CTNNBL1: variants seen among roughly 807,000 people sequenced by gnomAD.
CTNNBL1 encodes catenin beta like 1.
CTNNBL1 carries 31 observed loss-of-function variants against 72.7 expected under a neutral mutation model. That is an observed-to-expected ratio of 0.43 (90% CI 0.32 to 0.58). The LOEUF is 0.58. Among genes scored for constraint, CTNNBL1 ranks in the 20% least tolerant of loss-of-function variants. The pLI is 0.08. For missense variants in CTNNBL1, 534 were observed against 725.1 expected, an observed-to-expected ratio of 0.74 and a Z score of 3.03; for synonymous variants, 240 against 267.3, an observed-to-expected ratio of 0.90 and a Z score of 1.00.
At chr20:37,759,044 C>G (rs973640611) in intron 5 of CTNNBL1, among the ~76,000 whole-genome samples, 6 of 152,188 alleles carry the variant, frequency 3.9e-5, no homozygotes, top group Non-Finnish European at 5.9e-5. Flanking sequence ...AGAACTGGCT[C>G]TTACAGAGAG....
chr20:37,866,436 C>T (rs1444285013), intron 15 of CTNNBL1, among the ~76,000 whole-genome samples: 2 of 152,202 alleles, frequency 1.3e-5, no homozygotes, highest in Non-Finnish European at 2.9e-5. Flanking sequence ...GGCAGCTCTT[C>T]CCCTCTCCAA....
At chr20:37,794,152 T>A (rs1051683708) in intron 10 of CTNNBL1, among the ~76,000 whole-genome samples, 17 of 152,210 alleles carry the variant, frequency 1.1e-4, no homozygotes, top group Non-Finnish European at 2.4e-4. Flanking sequence ...ACCCACTTAT[T>A]TGCCATTTTC....
At chr20:37,725,397 A>G (rs1239114114) in intron 1 of CTNNBL1, among the ~76,000 whole-genome samples, 2 of 151,294 alleles carry the variant, frequency 1.3e-5, no homozygotes, top group Non-Finnish European at 2.9e-5. Context: ...CCCCAGTTCT[A>G]GCAACTCTCC....
intron 3 of CTNNBL1, among the ~76,000 whole-genome samples, chr20:37,741,944 G>A (rs1293222251): frequency 6.6e-6 from 1 of 151,936 alleles, no homozygotes; most frequent in Admixed American, 6.6e-5. Context: ...AAAGTTGGAA[G>A]GAACTGAGAA....
chr20:37,866,509 G>A (rs1030141383), intron 15 of CTNNBL1, among the ~76,000 whole-genome samples: 5 of 152,194 alleles, frequency 3.3e-5, no homozygotes, highest in Non-Finnish European at 7.3e-5. Flanking sequence ...GTGAGAATGA[G>A]GTGAAGTGCT....
intron 11 of CTNNBL1, among the ~76,000 whole-genome samples, chr20:37,828,235 A>G (rs186453624): frequency 2.0e-5 from 3 of 152,312 alleles, no homozygotes; most frequent in East Asian, 3.9e-4. Context: ...TTCCTGTAAC[A>G]GGATAGTTTC....
intron 13 of CTNNBL1, among the ~76,000 whole-genome samples, chr20:37,852,561 C>T (rs2235462): frequency 0.38 from 58,425 of 151,938 alleles, 11,531 homozygotes; most frequent in Admixed American, 0.5. Flanking sequence ...ATCCACATAC[C>T]CATACGCAGG....
chr20:37,866,404 C>G (rs907813465), intron 15 of CTNNBL1, among the ~76,000 whole-genome samples: 2 of 152,176 alleles, frequency 1.3e-5, no homozygotes, highest in Non-Finnish European at 2.9e-5. Flanking sequence ...CAAGCTCTGT[C>G]GCTTTCTAGT....
intron 2 of CTNNBL1, 64 bp from the exon 3 acceptor site, chr20:37,737,314 A>G (rs1481910776): frequency 3.6e-6 from 4 of 1,103,254 alleles, no homozygotes; most frequent in Non-Finnish European, 4.1e-6. Context: ...GCCACAGGAA[A>G]GTAGTGACAA....
Position 37,779,169 on chromosome 20 carries a change from G to C in CTNNBL1, c.883-18G>C. On this transcript the variant is annotated intron_variant, in intron 9 of 15. Transcript: ENST00000361383. ...ATTCTCTTATAGCTCTGTGCTTTGT[G>C]CTGTTTTTGCTTGACAGGTGTTTAA... is the stretch of plus-strand genomic sequence containing the variant. 6.2e-7 allele frequency: 1 copy of C among 1,611,348 alleles called. No homozygotes were observed. The highest frequency in any genetic ancestry group is 1.1e-5 in the South Asian group (1 of 91,038).
intron 10 of CTNNBL1, among the ~76,000 whole-genome samples, chr20:37,789,900 C>T (rs1453762611): frequency 6.6e-6 from 1 of 152,146 alleles, no homozygotes; most frequent in Non-Finnish European, 1.5e-5. Flanking sequence ...AGAGAAGAGA[C>T]CACTGTGATC....
intron 15 of CTNNBL1, among the ~76,000 whole-genome samples, chr20:37,863,915 T>C (rs2072514213): frequency 6.6e-6 from 1 of 151,976 alleles, no homozygotes; most frequent in African/African-American, 2.4e-5. Flanking sequence ...TCATAAAGAG[T>C]TCTCAGCCCT....
At chr20:37,730,866 A>G (rs939811385) in intron 1 of CTNNBL1, among the ~76,000 whole-genome samples, 1 of 152,210 alleles carries the variant, frequency 6.6e-6, no homozygotes, top group Non-Finnish European at 1.5e-5. Context: ...TATGGTAGAA[A>G]GGTCCTTGGA....
chr20:37,697,311 T>G (rs1006533672), intron 1 of CTNNBL1, among the ~76,000 whole-genome samples: 3 of 152,154 alleles, frequency 2.0e-5, no homozygotes, highest in Non-Finnish European at 4.4e-5. Context: ...TTTTACTTTA[T>G]GTAATGTGGT....
chr20:37,858,510 C>T (rs150825642), intron 13 of CTNNBL1, among the ~76,000 whole-genome samples: 589 of 152,298 alleles, frequency 3.9e-3, no homozygotes, highest in Middle Eastern at 0.01. Flanking sequence ...AACCATACCC[C>T]GGAATCCCAA....
chr20:37,737,060 A>G (rs2122606288), intron 2 of CTNNBL1, among the ~76,000 whole-genome samples: 1 of 151,996 alleles, frequency 6.6e-6, no homozygotes, highest in East Asian at 2.0e-4. Flanking sequence ...TGTCTCTACT[A>G]AAAATACAAA....
At chr20:37,732,803 G>C in intron 1 of CTNNBL1, 76 bp from the exon 2 acceptor site, 1 of 1,417,266 alleles carries the variant, frequency 7.1e-7, no homozygotes, top group Non-Finnish European at 9.6e-7. Flanking sequence ...AAAGTGCTGG[G>C]ATTATAGGCA....
At chr20:37,738,167 G>A (rs1013365847) in intron 3 of CTNNBL1, among the ~76,000 whole-genome samples, 2 of 152,212 alleles carry the variant, frequency 1.3e-5, no homozygotes, top group Admixed American at 6.5e-5. Flanking sequence ...TAGCTTTACT[G>A]TGGAGATCAT....
rs565478039 is a variant in CTNNBL1 at position 37,815,810 on chromosome 20, CAG to C, written c.1213+12764_1213+12765del. Among the ~76,000 whole-genome samples, 274 of 152,232 alleles carry C rather than the reference CAG, an allele frequency of 1.8e-3. 2 individuals carry two copies. Among genetic ancestry groups the C allele is most frequent in the African/African-American group, 6.5e-3 (270 of 41,528 alleles). On this transcript the variant is annotated intron_variant, in intron 11 of 15. Coordinates refer to ENST00000361383, the MANE Select transcript of CTNNBL1 (RefSeq NM_030877.5). ...ATGTGTTAGACATGTTGGCATCTAA[CAG>C]AAGATATAATGTGAAAGGGAGTAAA...
Sources: gnomAD v4.1 joint callset for allele counts (sites outside exome capture counted in the v4.1 genomes callset) on GRCh38, gnomAD v4.1.1 for gene constraint, MANE v1.5 for transcripts, NCBI Gene and HGNC (gene_info 2026-07-23, HGNC 2026-07-21) for gene names.